SPAG16: variants seen among roughly 807,000 people sequenced by gnomAD.
SPAG16 encodes the protein sperm-associated antigen 16 protein.
SPAG16 carries 86 observed loss-of-function variants against 80.4 expected under a neutral mutation model. That is an observed-to-expected ratio of 1.07 (90% CI 0.90 to 1.28). The LOEUF (loss-of-function observed/expected upper bound fraction) is 1.28. Ranked by LOEUF, SPAG16 falls within the 50% of genes most tolerant of loss-of-function variation. The pLI, the probability that SPAG16 is intolerant of heterozygous loss-of-function variation, is 0.00. For synonymous variants in SPAG16, 294 were observed against 265.9 expected, an observed-to-expected ratio of 1.11 and a Z score of -1.03; for missense variants, 870 against 765.3, an observed-to-expected ratio of 1.14 and a Z score of -1.61.
chr2:214,187,361 T>C (rs1241733663), intron 15 of SPAG16, among the ~76,000 whole-genome samples: 1 of 152,126 alleles, frequency 6.6e-6, no homozygotes, highest in African/African-American at 2.4e-5. Flanking sequence ...ATATTTTATA[T>C]GGGCAAGTTG....
chr2:213,804,601 T>G (rs1289866052), intron 10 of SPAG16, among the ~76,000 whole-genome samples: 2 of 152,136 alleles, frequency 1.3e-5, no homozygotes, highest in African/African-American at 4.8e-5. Flanking sequence ...GAGAATGGCG[T>G]GAACCCTGGA....
At chr2:214,049,810 AG>A (rs1372670847) in intron 13 of SPAG16, among the ~76,000 whole-genome samples, 1 of 152,236 alleles carries the variant, frequency 6.6e-6, no homozygotes, top group African/African-American at 2.4e-5. Flanking sequence ...TAATTTTTGA[AG>A]GGAAGTTATA....
chr2:213,432,378 A>G (rs2070359059), intron 9 of SPAG16, among the ~76,000 whole-genome samples: 1 of 152,140 alleles, frequency 6.6e-6, no homozygotes, highest in African/African-American at 2.4e-5. Flanking sequence ...GAAGATCCAA[A>G]TAAATGTAAT....
At chr2:213,314,573 C>A (rs1177316765) in intron 4 of SPAG16, among the ~76,000 whole-genome samples, 2 of 151,710 alleles carry the variant, frequency 1.3e-5, no homozygotes, top group Non-Finnish European at 2.9e-5. Flanking sequence ...ACATGGATGG[C>A]AGAAAATTTA....
At chr2:214,212,249 G>A (rs2058314114) in intron 15 of SPAG16, among the ~76,000 whole-genome samples, 1 of 151,862 alleles carries the variant, frequency 6.6e-6, no homozygotes, top group Non-Finnish European at 1.5e-5. Flanking sequence ...AGCTTTCCCT[G>A]ATTTTGTCTT....
At chr2:213,521,772 T>G (rs1559216746) in intron 10 of SPAG16, among the ~76,000 whole-genome samples, 1 of 152,258 alleles carries the variant, frequency 6.6e-6, no homozygotes. Context: ...AAATGTGTCA[T>G]TTTACATTTA....
chr2:213,951,429 A>C (rs2079772137), intron 12 of SPAG16, among the ~76,000 whole-genome samples: 1 of 152,214 alleles, frequency 6.6e-6, no homozygotes, highest in Non-Finnish European at 1.5e-5. Flanking sequence ...TTAAAGGTAG[A>C]GAAACATTCA....
chr2:214,086,063 C>T (rs1448901558), intron 13 of SPAG16, among the ~76,000 whole-genome samples: 2 of 152,122 alleles, frequency 1.3e-5, no homozygotes, highest in Non-Finnish European at 2.9e-5. Context: ...TTTCTTTATG[C>T]TTTCATGAAA....
At chr2:213,890,888 G>C (rs1471983825) in intron 11 of SPAG16, among the ~76,000 whole-genome samples, 3 of 151,918 alleles carry the variant, frequency 2.0e-5, no homozygotes, top group Non-Finnish European at 4.4e-5. Context: ...ATTTTGAGGA[G>C]GTGGGGAATG....
chr2:213,423,116 T>G (rs2069699237), intron 9 of SPAG16, among the ~76,000 whole-genome samples: 1 of 152,258 alleles, frequency 6.6e-6, no homozygotes, highest in Non-Finnish European at 1.5e-5. Context: ...TTTAGGGAGA[T>G]GAATCATTCT....
intron 11 of SPAG16, among the ~76,000 whole-genome samples, chr2:213,895,985 A>G (rs932659684): frequency 6.6e-6 from 1 of 152,190 alleles, no homozygotes; most frequent in African/African-American, 2.4e-5. Flanking sequence ...CTGCACAATA[A>G]ATGGAATTAT....
rs542813938 is a variant in SPAG16, at chr2:214,163,797, A to G, written c.1720+14531A>G. On this transcript the variant is annotated intron_variant, in intron 15 of 15. Transcript: ENST00000331683. ...AGCTCGAGTCCACAGGTAGTATAGA[A>G]GCAGAATTCCTTCTTTCTTGAGGGC... 2.6e-5 allele frequency among the ~76,000 whole-genome samples: 4 copies of G among 151,996 alleles called. No homozygotes were observed. In the East Asian group the frequency reaches 7.8e-4, roughly 30 times the overall value.
At chr2:213,428,486 G>T (rs1258019468) in intron 9 of SPAG16, among the ~76,000 whole-genome samples, 7 of 152,274 alleles carry the variant, frequency 4.6e-5, no homozygotes, top group African/African-American at 1.7e-4. Context: ...AGCAGCAGTG[G>T]CAGACTTGGG....
At chr2:213,983,040 T>G (rs1051645400) in intron 12 of SPAG16, among the ~76,000 whole-genome samples, 5 of 152,024 alleles carry the variant, frequency 3.3e-5, no homozygotes, top group Admixed American at 1.3e-4. Flanking sequence ...GTCTTCCATA[T>G]ATTCAATACT....
chr2:213,660,328 G>A (rs1441356575), intron 10 of SPAG16, among the ~76,000 whole-genome samples: 1 of 150,610 alleles, frequency 6.6e-6, no homozygotes, highest in African/African-American at 2.4e-5. Context: ...TGAGTGCCGT[G>A]GCGCAATCTC....
chr2:213,908,084 A>C (rs2077504094), intron 11 of SPAG16, among the ~76,000 whole-genome samples: 1 of 152,188 alleles, frequency 6.6e-6, no homozygotes, highest in African/African-American at 2.4e-5. Flanking sequence ...TTGCTCACTT[A>C]CTGTATACTT....
intron 15 of SPAG16, among the ~76,000 whole-genome samples, chr2:214,163,793 T>A (rs75198727): frequency 1.3e-5 from 2 of 151,900 alleles, no homozygotes; most frequent in Non-Finnish European, 2.9e-5. Flanking sequence ...ACAGGTAGTA[T>A]AGAAGCAGAA....
chr2:213,475,288 G>T (rs2073312210), intron 9 of SPAG16, among the ~76,000 whole-genome samples: 1 of 152,076 alleles, frequency 6.6e-6, no homozygotes, highest in Non-Finnish European at 1.5e-5. Flanking sequence ...TATCTTAATG[G>T]GTTATATTCA....
intron 9 of SPAG16, among the ~76,000 whole-genome samples, chr2:213,408,727 C>T (rs1327133324): frequency 6.6e-6 from 1 of 152,150 alleles, no homozygotes; most frequent in Non-Finnish European, 1.5e-5. Flanking sequence ...CTTGTAGAAG[C>T]AGAGTTAGGA....
Sources: gnomAD v4.1 joint callset for allele counts (sites outside exome capture counted in the v4.1 genomes callset) on GRCh38, gnomAD v4.1.1 for gene constraint, MANE v1.5 for transcripts, NCBI Gene and HGNC (gene_info 2026-07-23, HGNC 2026-07-21) for gene names.